SYN3: variants seen among roughly 807,000 people sequenced by gnomAD.
The protein encoded by SYN3 is synapsin-3.
In SYN3, 35 loss-of-function variants were observed where a neutral mutation model predicts 65.8. That is an observed-to-expected ratio of 0.53 (90% CI 0.41 to 0.70). The LOEUF (loss-of-function observed/expected upper bound fraction) is 0.70. Among genes scored for constraint, SYN3 ranks in the 30% least tolerant of loss-of-function variants. The pLI, the probability that SYN3 is intolerant of heterozygous loss-of-function variation, is 0.00. For synonymous variants in SYN3, 270 were observed against 292.9 expected (o/e 0.92, Z 0.80); for missense variants, 680 against 749.0 (o/e 0.91, Z 1.08).
intron 6 of SYN3, among the ~76,000 whole-genome samples, chr22:32,689,186 G>A (rs981170197): frequency 3.3e-4 from 50 of 152,184 alleles, no homozygotes; most frequent in Admixed American, 3.3e-3. Flanking sequence ...TTGGGCAGCT[G>A]AAAAGTCTAG....
chr22:32,828,225 G>A (rs2047470795), intron 6 of SYN3, among the ~76,000 whole-genome samples: 1 of 152,236 alleles, frequency 6.6e-6, no homozygotes, highest in South Asian at 2.1e-4. Context: ...GCTAGTGAGT[G>A]TCTGTGCTGG....
chr22:32,672,905 T>C (rs1431746079), intron 6 of SYN3, among the ~76,000 whole-genome samples: 2 of 152,176 alleles, frequency 1.3e-5, no homozygotes, highest in Non-Finnish European at 2.9e-5. Context: ...CATTGGGACA[T>C]GGATTGGTTG....
chr22:32,833,033 A>T (rs936564974), intron 6 of SYN3, among the ~76,000 whole-genome samples: 1 of 152,206 alleles, frequency 6.6e-6, no homozygotes, highest in African/African-American at 2.4e-5. Context: ...GCGCCCAGCA[A>T]GATCTACCTT....
chr22:32,956,041 C>CATATATATATATATATATAT lies in SYN3; in HGVS notation c.370-24580_370-24561dup, dbSNP rs5845054. Among the ~76,000 whole-genome samples, 1,265 of 130,448 alleles carry CATATATATATATATATATAT rather than the reference C, an allele frequency of 9.7e-3. 20 individuals are homozygous for CATATATATATATATATATAT. Among genetic ancestry groups the CATATATATATATATATATAT allele is most frequent in the Middle Eastern group, 0.024 (6 of 248 alleles). The allele number at this position is 130,448 out of a possible 152,430, so 85.6% of individuals were successfully genotyped here. ...GAGTTAATACTACTTAATAAATTCA[C>CATATATATATATATATATAT]ATATATATATATATATATATAAAAT... On this transcript the variant is annotated intron_variant, in intron 3 of 13. Transcript: ENST00000358763.
intron 6 of SYN3, chr22:32,629,807 G>A (rs1289292104): frequency 6.6e-6 from 1 of 152,126 alleles, no homozygotes; most frequent in East Asian, 1.9e-4. Context: ...TTAAGAGCAT[G>A]TACCCTGGAG....
chr22:32,679,839 C>CTTTTTTTTTTTTTTTTCTTTTTTTT (rs2060498296), intron 6 of SYN3, among the ~76,000 whole-genome samples: 1 of 39,150 alleles, frequency 2.6e-5, no homozygotes, highest in Non-Finnish European at 4.6e-5. Flanking sequence ...TGTTTTTTGG[C>CTTTTTTTTTTTTTTTTCTTTTTTTT]TTTTTTTTTT....
chr22:32,967,047 G>C (rs1437906380), intron 3 of SYN3, among the ~76,000 whole-genome samples: 1 of 152,190 alleles, frequency 6.6e-6, no homozygotes, highest in Non-Finnish European at 1.5e-5. Context: ...TGGAGAATGG[G>C]GGAACTCATA....
chr22:32,542,287 G>C (rs2058268642), intron 7 of SYN3, among the ~76,000 whole-genome samples: 1 of 152,142 alleles, frequency 6.6e-6, no homozygotes, highest in Non-Finnish European at 1.5e-5. Context: ...GGGGCCATTA[G>C]GAAGAAGGGA....
chr22:32,881,525 TA>T (rs2049136855), intron 4 of SYN3, among the ~76,000 whole-genome samples: 1 of 152,122 alleles, frequency 6.6e-6, no homozygotes, highest in Non-Finnish European at 1.5e-5. Flanking sequence ...CAAAAGATGC[TA>T]AACGCTCCTG....
chr22:33,052,171 C>T (rs942873764), intron 1 of SYN3, among the ~76,000 whole-genome samples: 3 of 152,178 alleles, frequency 2.0e-5, no homozygotes, highest in Non-Finnish European at 4.4e-5. Flanking sequence ...CCTCCCCGCA[C>T]CCCACGGCTC....
intron 3 of SYN3, among the ~76,000 whole-genome samples, chr22:32,941,802 T>C (rs2146762082): frequency 6.6e-6 from 1 of 152,322 alleles, no homozygotes; most frequent in South Asian, 2.1e-4. Context: ...GGAGATTATA[T>C]CCTGCGCCTG....
At chr22:32,566,018 A>AT (rs2058668292) in intron 7 of SYN3, among the ~76,000 whole-genome samples, 1 of 151,704 alleles carries the variant, frequency 6.6e-6, no homozygotes, top group Admixed American at 6.6e-5. Context: ...AGCCTATTTT[A>AT]TTTTTTTAGA....
chr22:33,028,661 G>A (rs1312130466), intron 1 of SYN3, among the ~76,000 whole-genome samples: 9 of 113,776 alleles, frequency 7.9e-5, no homozygotes, highest in Admixed American at 6.3e-4. Flanking sequence ...GGTGGTGGTG[G>A]TGGTGGTGGT....
intron 4 of SYN3, among the ~76,000 whole-genome samples, chr22:32,929,057 G>A (rs1465879039): frequency 5.9e-5 from 9 of 152,120 alleles, no homozygotes. Context: ...CCAAGGCCGG[G>A]GGATCTCCTC....
At chr22:32,992,920 T>C (rs2052763789) in intron 2 of SYN3, among the ~76,000 whole-genome samples, 1 of 152,236 alleles carries the variant, frequency 6.6e-6, no homozygotes, top group African/African-American at 2.4e-5. Flanking sequence ...CTGTATCCAT[T>C]CTGCCTTCTT....
chr22:32,806,839 A>G (rs1909452689), intron 6 of SYN3, among the ~76,000 whole-genome samples: 1 of 152,018 alleles, frequency 6.6e-6, no homozygotes, highest in East Asian at 1.9e-4. Context: ...ATCCTTTCTG[A>G]TTACTTTTTC....
intron 7 of SYN3, among the ~76,000 whole-genome samples, chr22:32,569,558 T>G (rs2058727509): frequency 1.7e-5 from 1 of 59,116 alleles, no homozygotes; most frequent in Non-Finnish European, 3.8e-5. Flanking sequence ...TCTCTCTCTC[T>G]CTCTCTCTCT....
rs781309940 is a variant in SYN3, at chr22:32,518,233, C to T, written c.1420G>A (p.Gly474Arg). 104 of 1,613,172 alleles carry T rather than the reference C, an allele frequency of 6.4e-5. No homozygotes were observed. The highest frequency in any genetic ancestry group is 6.3e-4 in the Admixed American group (38 of 59,914). The change falls in exon 13 of 14, where the codon GGA becomes AGA. Residue 474 changes from glycine to arginine, a missense_variant. Transcript: ENST00000358763. The part of the protein sequence containing the change: ...QGQQPLSPQS[G>R]SPQQQRSPGS... ...GGTGACCTTTGCTGCTGTGGAGATC[C>T]GGACTGGGGGCTCAGGGGCTGCTGG...
intron 4 of SYN3, among the ~76,000 whole-genome samples, chr22:32,910,125 A>G (rs1601674828): frequency 1.3e-5 from 2 of 152,110 alleles, no homozygotes; most frequent in Admixed American, 1.3e-4. Flanking sequence ...TCTGTGTGTC[A>G]CTGAGCACGC....
Sources: gnomAD v4.1 joint callset for allele counts (sites outside exome capture counted in the v4.1 genomes callset) on GRCh38, gnomAD v4.1.1 for gene constraint, MANE v1.5 for transcripts, NCBI Gene and HGNC (gene_info 2026-07-23, HGNC 2026-07-21) for gene names.